The following TBC1D14 variants were observed in gnomAD, a reference collection of about 807,000 sequenced individuals.
TBC1D14 encodes TBC1 domain family, member 14.
A neutral mutation model predicts 79.0 loss-of-function variants in TBC1D14; 26 were observed. That is an observed-to-expected ratio of 0.33 (90% CI 0.24 to 0.46). TBC1D14 has a LOEUF of 0.46. Among genes scored for constraint, TBC1D14 ranks in the 20% least tolerant of loss-of-function variants. The probability of loss-of-function intolerance (pLI) is 1.00; values close to 1 mark genes in which losing one functional copy is unlikely to be tolerated. For missense variants in TBC1D14, 769 were observed against 887.6 expected, an observed-to-expected ratio of 0.87 and a Z score of 1.70; for synonymous variants, 394 against 349.9, an observed-to-expected ratio of 1.13 and a Z score of -1.40.
chr4:6,916,040 T>C (rs1176418837), intron 1 of TBC1D14, among the ~76,000 whole-genome samples: 23 of 150,282 alleles, frequency 1.5e-4, no homozygotes. Flanking sequence ...GCAGGAGAAT[T>C]GCTTGAACCC....
At chr4:6,983,362 G>GT (rs779685168) in intron 3 of TBC1D14, among the ~76,000 whole-genome samples, 2 of 152,162 alleles carry the variant, frequency 1.3e-5, no homozygotes, top group African/African-American at 2.4e-5. Flanking sequence ...GAAACCAGAC[G>GT]TAAGTGGATG....
Position 7,010,726 on chromosome 4 carries a change from C to G in TBC1D14, c.1592C>G (p.Ser531Cys). The change falls in exon 11 of 14, where the codon TCT becomes TGT. Residue 531 changes from serine to cysteine, a missense_variant. Physicochemically the swap from Ser to Cys is moderately radical, Grantham distance 112 (BLOSUM62 -1). This residue lies in a region of TBC1D14 where 367 missense variants were observed against 494.4 expected (regional missense o/e 0.74). Coordinates refer to ENST00000409757, the MANE Select transcript of TBC1D14 (RefSeq NM_020773.3). ...ACTGCAGATGCCTTTATTGCCTTTT[C>G]TAACCTTCTGAATAAACCCTGTCAA... Reference protein sequence around the residue: ...LDTADAFIAFSNLLNKPCQMA... With the variant: ...LDTADAFIAFCNLLNKPCQMA... The G allele has an allele frequency of 6.2e-7, 1 of 1,614,092 alleles. No homozygotes were observed. Among genetic ancestry groups the G allele is most frequent in the Non-Finnish European group, 8.5e-7 (1 of 1,179,990 alleles).
chr4:6,967,669 GTATTT>G (rs1219946943), intron 3 of TBC1D14, among the ~76,000 whole-genome samples: 1 of 152,198 alleles, frequency 6.6e-6, no homozygotes, highest in Non-Finnish European at 1.5e-5. Context: ...GTTTATAATG[GTATTT>G]AGACAGAGCT....
chr4:7,004,304 T>G (rs1719967947), intron 7 of TBC1D14, among the ~76,000 whole-genome samples: 1 of 152,224 alleles, frequency 6.6e-6, no homozygotes. Flanking sequence ...TTCTGCGTAT[T>G]CCTGGGATCT....
At chr4:6,989,039 C>T (rs976550594) in intron 3 of TBC1D14, among the ~76,000 whole-genome samples, 1 of 151,940 alleles carries the variant, frequency 6.6e-6, no homozygotes, top group East Asian at 1.9e-4. Flanking sequence ...CTGTGCCAGG[C>T]TTAGGAATAC....
intron 2 of TBC1D14, among the ~76,000 whole-genome samples, chr4:6,932,205 C>G (rs1174055043): frequency 6.6e-6 from 1 of 151,850 alleles, no homozygotes; most frequent in Non-Finnish European, 1.5e-5. Flanking sequence ...ACTAAAAATA[C>G]AAAAATTAGC....
chr4:7,027,465 C>A (rs570990943), intron 13 of TBC1D14, among the ~76,000 whole-genome samples: 2 of 141,498 alleles, frequency 1.4e-5, no homozygotes, highest in East Asian at 2.2e-4. Context: ...CAGATCACCC[C>A]CACGCACACT....
At chr4:6,925,432 T>C (rs1329953059) in intron 2 of TBC1D14, among the ~76,000 whole-genome samples, 1 of 152,134 alleles carries the variant, frequency 6.6e-6, no homozygotes, top group East Asian at 1.9e-4. Flanking sequence ...GTACCGGGTG[T>C]CCCTTTGAGA....
chr4:7,006,359 A>T (rs1365001978), intron 8 of TBC1D14, among the ~76,000 whole-genome samples: 1 of 152,026 alleles, frequency 6.6e-6, no homozygotes, highest in Non-Finnish European at 1.5e-5. Context: ...ATTGTTATTG[A>T]TGAGAGGCAA....
At chr4:6,960,376 G>A (rs1341762523) in intron 2 of TBC1D14, among the ~76,000 whole-genome samples, 5 of 151,816 alleles carry the variant, frequency 3.3e-5, no homozygotes, top group Non-Finnish European at 5.9e-5. Context: ...ACAGATGTGA[G>A]CAACCATGCC....
At chr4:7,027,331 CCCCA>C (rs1394272987) in intron 13 of TBC1D14, among the ~76,000 whole-genome samples, 4 of 147,694 alleles carry the variant, frequency 2.7e-5, no homozygotes, top group African/African-American at 1.0e-4. Flanking sequence ...TACACAATCA[CCCCA>C]CACACACAAT....
At chr4:6,948,620 A>T (rs1379329451) in intron 2 of TBC1D14, among the ~76,000 whole-genome samples, 1 of 151,564 alleles carries the variant, frequency 6.6e-6, no homozygotes, top group Non-Finnish European at 1.5e-5. Context: ...GTGTGTGGTG[A>T]TGCCGGCTGC....
At chr4:7,017,799 T>C (rs751648074) in intron 12 of TBC1D14, among the ~76,000 whole-genome samples, 3 of 152,188 alleles carry the variant, frequency 2.0e-5, no homozygotes, top group Non-Finnish European at 2.9e-5. Context: ...AGTAAATATT[T>C]AAGTTGAACT....
rs190962019 is a variant in TBC1D14 at position 6,973,985 on chromosome 4, G to A, written c.843+6561G>A. 6.6e-3 allele frequency among the ~76,000 whole-genome samples: 1,009 copies of A among 151,892 alleles called. 12 individuals are homozygous for A. The highest frequency in any genetic ancestry group is 8.2e-3 in the Non-Finnish European group (559 of 67,958). ...ACTACAGGCGTGCACCACCACCCCC[G>A]GCTCATTTTTATATTTTTAGTAGAA... is the stretch of plus-strand genomic sequence containing the variant. On this transcript the variant is annotated intron_variant, in intron 3 of 13. Coordinates refer to ENST00000409757, the MANE Select transcript of TBC1D14 (RefSeq NM_020773.3).
intron 2 of TBC1D14, among the ~76,000 whole-genome samples, chr4:6,932,076 G>A (rs887032696): frequency 1.3e-5 from 2 of 152,070 alleles, no homozygotes; most frequent in African/African-American, 2.4e-5. Context: ...AAGACTTGAA[G>A]GTGGCCAGGC....
At chr4:6,929,205 C>T (rs1711523421) in intron 2 of TBC1D14, among the ~76,000 whole-genome samples, 2 of 152,072 alleles carry the variant, frequency 1.3e-5, no homozygotes. Flanking sequence ...GGCAGGTGCT[C>T]AGTCTCTCTG....
chr4:7,005,093 A>G (rs1426091939), intron 8 of TBC1D14, among the ~76,000 whole-genome samples, 169 bp downstream of exon 8: 1 of 152,254 alleles, frequency 6.6e-6, no homozygotes, highest in African/African-American at 2.4e-5. Flanking sequence ...CAAAAATTAA[A>G]GGTAAAAACT....
chr4:6,933,526 G>A (rs542619912), intron 2 of TBC1D14, among the ~76,000 whole-genome samples: 1 of 151,714 alleles, frequency 6.6e-6, no homozygotes, highest in African/African-American at 2.4e-5. Flanking sequence ...GGCTGGTCTC[G>A]AACTCCTAGC....
At chr4:6,921,316 C>G (rs1042155745) in intron 1 of TBC1D14, among the ~76,000 whole-genome samples, 25 of 150,558 alleles carry the variant, frequency 1.7e-4, no homozygotes, top group Non-Finnish European at 2.7e-4. Context: ...TCAAGTGATC[C>G]TCCCACCTCA....
Sources: gnomAD v4.1 joint callset for allele counts (sites outside exome capture counted in the v4.1 genomes callset) on GRCh38, gnomAD v4.1.1 for gene constraint, gnomAD v4.1.1 regional missense constraint, MANE v1.5 for transcripts, NCBI Gene and HGNC (gene_info 2026-07-23, HGNC 2026-07-21) for gene names.